GPM6A: variants seen among roughly 807,000 people sequenced by gnomAD.
GPM6A encodes glycoprotein M6A.
Under a neutral mutation model 32.1 loss-of-function variants are expected in GPM6A, and 7 were observed. The ratio of observed to expected loss-of-function variants is 0.22; its 90% CI spans 0.12 to 0.41. The LOEUF (loss-of-function observed/expected upper bound fraction) is 0.41, where lower values mean the gene tolerates loss of function less well. Ranked by LOEUF, GPM6A falls within the 10% of genes least tolerant of loss-of-function variation. GPM6A has a pLI of 1.00. For missense variants in GPM6A, 235 were observed against 347.2 expected, an observed-to-expected ratio of 0.68 and a Z score of 2.57; for synonymous variants, 130 against 123.4, an observed-to-expected ratio of 1.05 and a Z score of -0.35.
At chr4:175,991,769 T>C (rs892906066) in intron 1 of GPM6A, among the ~76,000 whole-genome samples, 1 of 152,180 alleles carries the variant, frequency 6.6e-6, no homozygotes, top group Non-Finnish European at 1.5e-5. Flanking sequence ...AGATATGATC[T>C]GTTCCATGCC....
chr4:175,786,042 G>C (rs1434451121), intron 1 of GPM6A, among the ~76,000 whole-genome samples: 2 of 152,110 alleles, frequency 1.3e-5, no homozygotes, highest in Non-Finnish European at 2.9e-5. Context: ...TAGTTTCCAA[G>C]CTGTGACCCA....
intron 1 of GPM6A, among the ~76,000 whole-genome samples, chr4:175,753,055 AC>A (rs1404355429): frequency 6.6e-6 from 1 of 152,104 alleles, no homozygotes; most frequent in Non-Finnish European, 1.5e-5. Context: ...CAGAGTTAAA[AC>A]CCACAGGGAT....
intron 1 of GPM6A, among the ~76,000 whole-genome samples, chr4:175,800,237 A>G (rs188181876): frequency 6.6e-6 from 1 of 152,316 alleles, no homozygotes; most frequent in African/African-American, 2.4e-5. Flanking sequence ...GTAAAAATAA[A>G]TAGCTTAAAA....
At chr4:175,823,793 C>T (rs527369673) in intron 1 of GPM6A, among the ~76,000 whole-genome samples, 1 of 152,216 alleles carries the variant, frequency 6.6e-6, no homozygotes, top group African/African-American at 2.4e-5. Context: ...CTTTAGGTAA[C>T]CTAAAAATTC....
chr4:175,959,432 G>A (rs898253991), intron 1 of GPM6A, among the ~76,000 whole-genome samples: 12 of 149,000 alleles, frequency 8.1e-5, no homozygotes, highest in Admixed American at 4.7e-4. Context: ...GTACACACAT[G>A]CACACACACA....
intron 1 of GPM6A, among the ~76,000 whole-genome samples, chr4:175,877,841 A>T (rs1001869055): frequency 1.3e-5 from 2 of 152,162 alleles, no homozygotes; most frequent in Non-Finnish European, 2.9e-5. Flanking sequence ...CAAAAGTCAA[A>T]ATCCAAAGTC....
chr4:175,714,964 G>A (rs1475100147), intron 1 of GPM6A, among the ~76,000 whole-genome samples: 2 of 143,686 alleles, frequency 1.4e-5, no homozygotes, highest in African/African-American at 5.2e-5. Flanking sequence ...GTGGAGACAC[G>A]TTTCTGATGT....
chr4:175,877,807 T>C (rs1366678409), intron 1 of GPM6A, among the ~76,000 whole-genome samples: 2 of 152,152 alleles, frequency 1.3e-5, no homozygotes, highest in African/African-American at 4.8e-5. Context: ...TCCCCTAAAT[T>C]GTTAACTCAT....
chr4:175,653,629 A>T (rs1256777761), intron 3 of GPM6A, among the ~76,000 whole-genome samples: 2 of 152,178 alleles, frequency 1.3e-5, no homozygotes, highest in South Asian at 4.1e-4. Flanking sequence ...TTAAAATAAT[A>T]TCAAAGTTTA....
At chr4:175,701,374 G>A (rs192792408) in intron 2 of GPM6A, among the ~76,000 whole-genome samples, 195 of 152,140 alleles carry the variant, frequency 1.3e-3, no homozygotes, top group Non-Finnish European at 1.6e-3. Flanking sequence ...TGATTAAGTC[G>A]GCCTCTGATC....
chr4:175,731,721 C>A (rs1346431590), intron 1 of GPM6A, among the ~76,000 whole-genome samples: 2 of 152,186 alleles, frequency 1.3e-5, no homozygotes, highest in South Asian at 4.1e-4. Flanking sequence ...TCTTAAAACA[C>A]TTTGATAGCC....
At chr4:175,943,906 G>C (rs773477658) in intron 1 of GPM6A, among the ~76,000 whole-genome samples, 3 of 152,264 alleles carry the variant, frequency 2.0e-5, no homozygotes. Context: ...AAATGAGTTA[G>C]AGAGGAGTCC....
chr4:175,646,467 T>C (rs962209105), intron 4 of GPM6A, among the ~76,000 whole-genome samples: 8 of 152,184 alleles, frequency 5.3e-5, no homozygotes, highest in Non-Finnish European at 8.8e-5. Flanking sequence ...TAATGGAATA[T>C]TCCTAGGTCT....
At chr4:175,947,449 A>G (rs369882770) in intron 1 of GPM6A, among the ~76,000 whole-genome samples, 2 of 152,092 alleles carry the variant, frequency 1.3e-5, no homozygotes, top group East Asian at 1.9e-4. Flanking sequence ...AACATTCTTA[A>G]GAATAATATT....
intron 1 of GPM6A, among the ~76,000 whole-genome samples, chr4:175,747,895 C>T (rs1156488779): frequency 6.7e-6 from 1 of 148,826 alleles, no homozygotes; most frequent in African/African-American, 2.4e-5. Flanking sequence ...AAATTGGAGT[C>T]AATCCTCTCA....
intron 3 of GPM6A, chr4:175,654,389 A>C (rs1741963340): frequency 6.6e-6 from 1 of 152,202 alleles, no homozygotes; most frequent in African/African-American, 2.4e-5. Context: ...TCACATGCTT[A>C]AGTGAGCCTG....
intron 1 of GPM6A, chr4:175,806,988 C>G (rs1035725521): frequency 6.6e-6 from 1 of 152,172 alleles, no homozygotes; most frequent in Non-Finnish European, 1.5e-5. Flanking sequence ...GAGTAGCCAA[C>G]AGCTAAGAAG....
intron 1 of GPM6A, among the ~76,000 whole-genome samples, chr4:175,796,793 C>A (rs1734250208): frequency 6.6e-6 from 1 of 152,136 alleles, no homozygotes; most frequent in South Asian, 2.1e-4. Flanking sequence ...AACAAAGAAG[C>A]AAACAGCATG....
chr4:175,645,287 C>A (rs1741391031), intron 4 of GPM6A, among the ~76,000 whole-genome samples: 1 of 152,086 alleles, frequency 6.6e-6, no homozygotes, highest in Non-Finnish European at 1.5e-5. Flanking sequence ...ATTATTTGTA[C>A]TTGAAATATG....
Sources: allele counts gnomAD v4.1 joint callset (sites outside exome capture counted in the v4.1 genomes callset), GRCh38; gene constraint gnomAD v4.1.1; transcripts MANE v1.5; gene names NCBI Gene and HGNC (gene_info 2026-07-23, HGNC 2026-07-21).